The following ATL1 variants were observed in gnomAD, a reference collection of about 807,000 sequenced individuals.
ATL1 encodes the protein atlastin GTPase 1.
ATL1 carries 31 observed loss-of-function variants against 75.5 expected under a neutral mutation model. That is an observed-to-expected ratio of 0.41 (90% CI 0.31 to 0.55). ATL1 has a LOEUF of 0.55. Ranked by LOEUF, ATL1 falls within the 20% of genes least tolerant of loss-of-function variation. ATL1 has a pLI of 0.27. For missense variants in ATL1, 405 were observed against 662.6 expected (o/e 0.61, Z 4.27); for synonymous variants, 226 against 233.3 (o/e 0.97, Z 0.28).
At chr14:50,573,859 C>T (rs1566718537) in intron 1 of ATL1, among the ~76,000 whole-genome samples, 1 of 152,146 alleles carries the variant, frequency 6.6e-6, no homozygotes, top group Non-Finnish European at 1.5e-5. Flanking sequence ...TTACATCTTC[C>T]TAATAAGTTT....
chr14:50,601,539 A>G (rs547216103), intron 6 of ATL1, among the ~76,000 whole-genome samples: 16 of 152,290 alleles, frequency 1.1e-4, no homozygotes, highest in African/African-American at 3.4e-4. Context: ...AGCTACCATG[A>G]CGTCAACCAA....
intron 1 of ATL1, among the ~76,000 whole-genome samples, chr14:50,586,577 G>T (rs1298896737): frequency 6.6e-6 from 1 of 152,170 alleles, no homozygotes; most frequent in Non-Finnish European, 1.5e-5. Flanking sequence ...GTTTCTTTGA[G>T]GCTAGGTCAT....
At chr14:50,623,008 TG>T (rs2039482692) in intron 10 of ATL1, among the ~76,000 whole-genome samples, 168 bp from the exon 11 acceptor site, 3 of 152,212 alleles carry the variant, frequency 2.0e-5, no homozygotes, top group Non-Finnish European at 4.4e-5. Flanking sequence ...TTGAAACTTT[TG>T]TACTACTTTT....
In ATL1 at chr14:50,562,055, T is replaced by G. The variant is rs971363901; in HGVS notation, c.34+1756T>G. Among the ~76,000 whole-genome samples, 3 of 152,244 alleles carry G rather than the reference T, an allele frequency of 2.0e-5. No homozygotes were observed. The East Asian group carries it at 5.8e-4, about 29-fold the overall frequency. On this transcript the variant is annotated intron_variant, in intron 1 of 13. Coordinates refer to ENST00000358385, the MANE Select transcript of ATL1 (RefSeq NM_015915.5). The stretch of plus-strand genomic sequence containing the variant: ...GAATTTCCTTTGGCTATAAACTTTT[T>G]TTTTTTTGAGATGGAGTCTTGCTCT...
intron 1 of ATL1, among the ~76,000 whole-genome samples, chr14:50,547,076 A>G (rs576566121): frequency 2.0e-5 from 3 of 152,238 alleles, no homozygotes; most frequent in South Asian, 2.1e-4. Flanking sequence ...GGAGGGGGGA[A>G]CTTTAAGGTT....
chr14:50,537,956 A>C (rs1333803107), intron 1 of ATL1, among the ~76,000 whole-genome samples: 1 of 152,130 alleles, frequency 6.6e-6, no homozygotes, highest in African/African-American at 2.4e-5. Flanking sequence ...ATGAGTTAAC[A>C]CTTTGGGGGA....
intron 1 of ATL1, among the ~76,000 whole-genome samples, chr14:50,581,803 T>A (rs113503415): frequency 0.01 from 1,565 of 152,304 alleles, 12 homozygotes; most frequent in Non-Finnish European, 0.016. Context: ...AATTACTAGA[T>A]GTCAGATAGG....
In ATL1 at chr14:50,552,530, G is replaced by A. The variant is rs552804504; in HGVS notation, c.-139-7597G>A. Among the ~76,000 whole-genome samples the A allele has an allele frequency of 5.9e-5, 9 of 152,062 alleles. No homozygotes were observed. In the East Asian group the frequency reaches 1.7e-3, roughly 29 times the overall value. On this transcript the variant is annotated intron_variant, in intron 1 of 13. Coordinates refer to the ATL1 transcript ENST00000441560. ...AGAAAAATATCCTAAAATTTGTATG[G>A]AACCAAAAAAGAGCCCACATAGCCA...
chr14:50,606,985 C>T (rs907299089), intron 6 of ATL1, among the ~76,000 whole-genome samples: 1 of 151,994 alleles, frequency 6.6e-6, no homozygotes, highest in African/African-American at 2.4e-5. Flanking sequence ...TCTATGCAAA[C>T]ACTTAGGACT....
chr14:50,555,421 A>G (rs1280694101), upstream of ATL1, among the ~76,000 whole-genome samples: 2 of 152,162 alleles, frequency 1.3e-5, no homozygotes, highest in African/African-American at 4.8e-5. Flanking sequence ...AGCTGGGACT[A>G]CAGGTGCACG....
intron 1 of ATL1, among the ~76,000 whole-genome samples, chr14:50,546,608 A>G (rs2038635643): frequency 6.6e-6 from 1 of 152,196 alleles, no homozygotes; most frequent in Non-Finnish European, 1.5e-5. Flanking sequence ...AATTGTCTGC[A>G]TACATTTTTG....
intron 1 of ATL1, among the ~76,000 whole-genome samples, chr14:50,555,057 G>A (rs2038748827): frequency 6.6e-6 from 1 of 152,168 alleles, no homozygotes; most frequent in Admixed American, 6.5e-5. Flanking sequence ...GACATGGTAG[G>A]TCAATGGTAT....
intron 1 of ATL1, among the ~76,000 whole-genome samples, chr14:50,546,524 G>T (rs1603013): frequency 6.6e-6 from 1 of 152,230 alleles, no homozygotes; most frequent in Non-Finnish European, 1.5e-5. Context: ...TTTTAAGTTT[G>T]TGTAAATTTA....
Position 50,588,055 on chromosome 14 carries a change from A to T in ATL1, c.259A>T (p.Met87Leu). ...AGGAAAATCATTCCTGATGGACTTC[A>T]TGTTGAGATACATGTACAACCAGGT... ...RKGKSFLMDF[M>L]LRYMYNQESV... Residue 87 changes from methionine to leucine, a missense_variant, in exon 2 of 14, where the codon ATG (methionine) becomes TTG (leucine). Met to Leu is a conservative substitution (Grantham distance 15, BLOSUM62 2). Coordinates refer to ENST00000358385, the MANE Select transcript of ATL1 (RefSeq NM_015915.5). The T allele has an allele frequency of 6.2e-7, 1 of 1,614,240 alleles. No homozygotes were observed. Among genetic ancestry groups the T allele is most frequent in the Non-Finnish European group, 8.5e-7 (1 of 1,180,038 alleles).
chr14:50,624,211 T>A (rs1458792405), intron 11 of ATL1, among the ~76,000 whole-genome samples: 2 of 152,110 alleles, frequency 1.3e-5, no homozygotes, highest in African/African-American at 2.4e-5. Context: ...ATACCTCATT[T>A]TATTGAGCCT....
chr14:50,544,136 T>C (rs1267059940), intron 1 of ATL1, among the ~76,000 whole-genome samples: 1 of 152,218 alleles, frequency 6.6e-6, no homozygotes, highest in Non-Finnish European at 1.5e-5. Flanking sequence ...CTAATATTAC[T>C]GGACAGTGGG....
At chr14:50,584,064 A>G (rs188377630) in intron 1 of ATL1, among the ~76,000 whole-genome samples, 1 of 152,334 alleles carries the variant, frequency 6.6e-6, no homozygotes, top group African/African-American at 2.4e-5. Flanking sequence ...GAACTTAAGT[A>G]TCAAAAGCAA....
chr14:50,609,722 C>T (rs140526239), intron 6 of ATL1, among the ~76,000 whole-genome samples: 10 of 151,998 alleles, frequency 6.6e-5, no homozygotes, highest in Non-Finnish European at 1.2e-4. Flanking sequence ...GAAACACTGA[C>T]CAACGCAGCA....
At chr14:50,577,309 C>T (rs745496712) in intron 1 of ATL1, among the ~76,000 whole-genome samples, 14 of 151,936 alleles carry the variant, frequency 9.2e-5, no homozygotes, top group Admixed American at 1.3e-4. Context: ...TGATCTGCCC[C>T]GCCTTGGCCT....
Sources: allele counts gnomAD v4.1 joint callset (sites outside exome capture counted in the v4.1 genomes callset), GRCh38; gene constraint gnomAD v4.1.1; transcripts MANE v1.5; gene names NCBI Gene and HGNC (gene_info 2026-07-23, HGNC 2026-07-21).